Variants in NCOA1 observed in about 807,000 individuals in gnomAD.
NCOA1 encodes Hin-2 protein.
A neutral mutation model predicts 150.9 loss-of-function variants in NCOA1; 35 were observed. The observed-to-expected ratio is 0.23, with a 90% confidence interval of 0.18 to 0.31. The LOEUF is 0.31. Ranked by LOEUF, NCOA1 falls within the 10% of genes least tolerant of loss-of-function variation. The pLI, the probability that NCOA1 is intolerant of heterozygous loss-of-function variation, is 1.00. For missense variants in NCOA1, 1,491 were observed against 1,749.3 expected (o/e 0.85, Z 2.63); for synonymous variants, 590 against 630.0 (o/e 0.94, Z 0.95).
chr2:24,598,792 A>C (rs1161189388), intron 3 of NCOA1, among the ~76,000 whole-genome samples: 2 of 152,140 alleles, frequency 1.3e-5, no homozygotes, highest in Non-Finnish European at 2.9e-5. Context: ...TTTTAGATTC[A>C]AGGGGCACAT....
chr2:24,526,390 T>G (rs1299789704), intron 1 of NCOA1, among the ~76,000 whole-genome samples: 2 of 152,138 alleles, frequency 1.3e-5, no homozygotes, highest in African/African-American at 4.8e-5. Context: ...TTTTCATAAT[T>G]GGTTTTCATT....
chr2:24,727,334 A>T (rs1307320644), intron 15 of NCOA1, among the ~76,000 whole-genome samples: 1 of 152,138 alleles, frequency 6.6e-6, no homozygotes, highest in African/African-American at 2.4e-5. Flanking sequence ...CCTATGGATG[A>T]ATTGGCCTCA....
At chr2:24,697,210 G>T (rs917305812) in intron 10 of NCOA1, among the ~76,000 whole-genome samples, 1 of 152,116 alleles carries the variant, frequency 6.6e-6, no homozygotes, top group African/African-American at 2.4e-5. Context: ...GCCCAACAAA[G>T]GTTAGAAAGG....
intron 3 of NCOA1, among the ~76,000 whole-genome samples, chr2:24,617,324 C>T (rs748807443): frequency 2.6e-5 from 4 of 152,058 alleles, no homozygotes; most frequent in African/African-American, 9.7e-5. Context: ...AAATCCTTCT[C>T]GAAACTGAAC....
In NCOA1 at chr2:24,629,823, T is replaced by TAG. The variant is rs1669614941; in HGVS notation, c.-174-14142_-174-14141insGA. ...GTTTTAAGTAACATACATACATATA[T>TAG]ATATATATATATATATATATATATG... On this transcript the variant is annotated intron_variant, in intron 3 of 22. Coordinates refer to ENST00000348332, the MANE Select transcript of NCOA1 (RefSeq NM_003743.5). Among the ~76,000 whole-genome samples the TAG allele has an allele frequency of 9.3e-5, 12 of 128,878 alleles. No homozygotes were observed. In the South Asian group the frequency reaches 2.7e-3, roughly 29 times the overall value. 84.5% of individuals were successfully genotyped at this position (128,878 alleles called of 152,430 possible). A position where few individuals can be genotyped will look rare whatever the true frequency, so the allele number is the denominator to read the frequency against.
chr2:24,619,191 AAGT>A (rs1669007924), intron 3 of NCOA1, among the ~76,000 whole-genome samples: 1 of 152,182 alleles, frequency 6.6e-6, no homozygotes, highest in Non-Finnish European at 1.5e-5. Context: ...ATTGTGTCAT[AAGT>A]AGTAATTCTT....
chr2:24,712,927 T>C (rs1673824241), intron 14 of NCOA1, among the ~76,000 whole-genome samples: 1 of 151,920 alleles, frequency 6.6e-6, no homozygotes, highest in African/African-American at 2.4e-5. Context: ...GGGCCAGTAA[T>C]GATTAAGAAT....
intron 2 of NCOA1, among the ~76,000 whole-genome samples, chr2:24,576,188 T>G (rs201064221): frequency 0.022 from 2,092 of 97,258 alleles, 79 homozygotes; most frequent in African/African-American, 0.067. Flanking sequence ...TTTTTTTTTT[T>G]TTTGTTTGCT....
intron 3 of NCOA1, among the ~76,000 whole-genome samples, chr2:24,622,594 A>G (rs905234264): frequency 2.6e-5 from 4 of 152,234 alleles, no homozygotes; most frequent in African/African-American, 4.8e-5. Context: ...AAAACAATAT[A>G]AGACATTGTA....
intron 6 of NCOA1, among the ~76,000 whole-genome samples, chr2:24,669,587 A>C (rs1454900496): frequency 6.6e-6 from 1 of 152,228 alleles, no homozygotes; most frequent in Non-Finnish European, 1.5e-5. Context: ...TTACAAACAA[A>C]ATCCTTTCTT....
chr2:24,718,613 C>A (rs1220325693), intron 14 of NCOA1, among the ~76,000 whole-genome samples: 2 of 151,416 alleles, frequency 1.3e-5, no homozygotes, highest in Non-Finnish European at 2.9e-5. Context: ...AGGCAGATCA[C>A]TTGAGGTCAG....
chr2:24,677,349 C>CAAAAAAACAAACAAACA (rs1553446488), intron 7 of NCOA1, among the ~76,000 whole-genome samples: 1 of 151,556 alleles, frequency 6.6e-6, no homozygotes, highest in African/African-American at 2.4e-5. Context: ...GTCTCAAAAA[C>CAAAAAAACAAACAAACA]AAAAAAACAA....
chr2:24,718,196 G>A (rs377034565), intron 14 of NCOA1, among the ~76,000 whole-genome samples: 29 of 151,944 alleles, frequency 1.9e-4, no homozygotes, highest in African/African-American at 4.4e-4. Flanking sequence ...CACTGCTCCC[G>A]GCCAAGATAC....
chr2:24,568,750 CT>C (rs942409571), intron 2 of NCOA1, among the ~76,000 whole-genome samples: 5 of 152,112 alleles, frequency 3.3e-5, no homozygotes, highest in Non-Finnish European at 5.9e-5. Flanking sequence ...GTAAAATGAG[CT>C]TTTGGCACAA....
In NCOA1 at chr2:24,697,816, A is replaced by G. The variant is rs1165198092; in HGVS notation, c.949+18A>G. ...CCAAGAAGGTAAAATTTTCTCTCTC[A>G]ATTATTTTCATTAACCCTTATCTTT... is the stretch of plus-strand genomic sequence containing the variant. On this transcript the variant is annotated intron_variant, in intron 11 of 22. Transcript: ENST00000348332. 6.2e-7 allele frequency: 1 copy of G among 1,604,526 alleles called. No homozygotes were observed. The highest frequency in any genetic ancestry group is 1.7e-5 in the Admixed American group (1 of 59,800).
In NCOA1 at chr2:24,658,690, G is replaced by A. The variant is rs745701447; in HGVS notation, c.13G>A (p.Gly5Arg). ...GAAGTTTTTCAACATGAGTGGCCTCGGGGACAGTTCATCCGACCCTGCTAA... is the reference window on the plus strand; with the variant it reads ...GAAGTTTTTCAACATGAGTGGCCTCAGGGACAGTTCATCCGACCCTGCTAA... The part of the protein sequence containing the change: MSGL[G>R]DSSSDPANPD... Residue 5 changes from glycine to arginine, a missense_variant, in exon 5 of 23, where the codon GGG becomes AGG. Gly to Arg is a moderately radical substitution (Grantham distance 125). Around this residue, in one of 8 missense-constraint regions of NCOA1, gnomAD observed 40 missense variants for 39.6 expected, o/e 1.01. Coordinates refer to ENST00000348332, the MANE Select transcript of NCOA1 (RefSeq NM_003743.5). 3.3e-5 allele frequency: 53 copies of A among 1,613,816 alleles called. No homozygotes were observed. Among genetic ancestry groups the A allele is most frequent in the Non-Finnish European group, 4.1e-5 (48 of 1,179,896 alleles).
chr2:24,739,897 G>T lies in NCOA1; in HGVS notation c.3303+364G>T, dbSNP rs55983327. Among the ~76,000 whole-genome samples, 46 of 152,070 alleles carry T rather than the reference G, an allele frequency of 3.0e-4. 1 individual carries two copies. Among genetic ancestry groups the T allele is most frequent in the African/African-American group, 1.1e-3 (46 of 41,484 alleles). On this transcript the variant is annotated intron_variant, in intron 18 of 22. Coordinates refer to ENST00000348332, the MANE Select transcript of NCOA1 (RefSeq NM_003743.5). ...CAAAACCCAGTCACATTGCTAAGCT[G>T]TCTTAACTATCTTGTGTACTATGTT...
At chr2:24,493,793 A>C (rs567697699) in intron 1 of NCOA1, among the ~76,000 whole-genome samples, 57 of 152,374 alleles carry the variant, frequency 3.7e-4, no homozygotes, top group African/African-American at 1.4e-3. Flanking sequence ...GAACTTGCTT[A>C]TGCCAGGAAG....
At chr2:24,667,360 A>G (rs985086638) in intron 6 of NCOA1, among the ~76,000 whole-genome samples, 1 of 151,720 alleles carries the variant, frequency 6.6e-6, no homozygotes, top group Non-Finnish European at 1.5e-5. Flanking sequence ...GTGATCCTCA[A>G]ATGAAAAAAT....
Sources: allele counts gnomAD v4.1 joint callset (sites outside exome capture counted in the v4.1 genomes callset), GRCh38; gene constraint gnomAD v4.1.1; regional missense constraint gnomAD v4.1.1; transcripts MANE v1.5; gene names NCBI Gene and HGNC (gene_info 2026-07-23, HGNC 2026-07-21).